AGBL1: variants seen among roughly 807,000 people sequenced by gnomAD.
AGBL1 encodes the protein AGBL carboxypeptidase 1.
In AGBL1, 130 loss-of-function variants were observed where a neutral mutation model predicts 118.9. The ratio of observed to expected loss-of-function variants is 1.09; its 90% CI spans 0.95 to 1.26. AGBL1 has a LOEUF of 1.26. AGBL1 is among the 50% of genes most tolerant of loss of function. The pLI, the probability that AGBL1 is intolerant of heterozygous loss-of-function variation, is 0.00. For missense variants in AGBL1, 1,584 were observed against 1,298.1 expected, an observed-to-expected ratio of 1.22 and a Z score of -3.38; for synonymous variants, 555 against 478.9, an observed-to-expected ratio of 1.16 and a Z score of -2.08.
At chr15:86,868,515 C>T (rs2079670252) in intron 22 of AGBL1, among the ~76,000 whole-genome samples, 1 of 152,224 alleles carries the variant, frequency 6.6e-6, no homozygotes, top group Non-Finnish European at 1.5e-5. Flanking sequence ...GCACAAGGGA[C>T]ACATTCAACT....
At chr15:86,900,973 C>G (rs566056123) in intron 22 of AGBL1, among the ~76,000 whole-genome samples, 2 of 152,270 alleles carry the variant, frequency 1.3e-5, no homozygotes, top group African/African-American at 4.8e-5. Flanking sequence ...TCTTATTTTA[C>G]TTAGTGTAAA....
chr15:86,741,104 G>T (rs551719728), intron 22 of AGBL1, among the ~76,000 whole-genome samples: 3 of 152,068 alleles, frequency 2.0e-5, no homozygotes, highest in African/African-American at 7.2e-5. Flanking sequence ...CACATCATTT[G>T]CTACTAGCCA....
chr15:86,392,874 C>T, intron 17 of AGBL1, among the ~76,000 whole-genome samples: 1 of 152,040 alleles, frequency 6.6e-6, no homozygotes, highest in East Asian at 1.9e-4. Flanking sequence ...CACTTTTTGC[C>T]TGACCCTAAG....
In AGBL1 at chr15:86,967,462, C is replaced by T. The variant is rs2081066485; in HGVS notation, c.3222-20525C>T. ...TTCTAGGGTTTTTATGGTTTTAGGT[C>T]TAACATTTAAGTCCTTAATCCATCT... On this transcript the variant is annotated intron_variant, in intron 23 of 24. Coordinates refer to the AGBL1 transcript ENST00000441037. Among the ~76,000 whole-genome samples the T allele has an allele frequency of 1.3e-5, 2 of 152,202 alleles. 1 individual carries two copies. The highest frequency in any genetic ancestry group is 4.1e-4 in the South Asian group (2 of 4,828).
At chr15:86,437,432 T>C (rs982603562) in intron 18 of AGBL1, among the ~76,000 whole-genome samples, 2 of 152,230 alleles carry the variant, frequency 1.3e-5, no homozygotes, top group African/African-American at 4.8e-5. Context: ...AGACATTTAT[T>C]GAGCACCATC....
intron 18 of AGBL1, among the ~76,000 whole-genome samples, chr15:86,415,124 A>G (rs2081673684): frequency 6.6e-6 from 1 of 152,122 alleles, no homozygotes; most frequent in Non-Finnish European, 1.5e-5. Flanking sequence ...ATGCCTCTTT[A>G]CCCAATGGCC....
chr15:86,820,271 C>T (rs1371668012), intron 22 of AGBL1, among the ~76,000 whole-genome samples: 1 of 152,124 alleles, frequency 6.6e-6, no homozygotes, highest in Non-Finnish European at 1.5e-5. Flanking sequence ...GCAATGGCAA[C>T]AAAAGCCAAA....
rs2078102636 is a variant in AGBL1, at chr15:86,766,774, T to C, written c.3158+92338T>C. On this transcript the variant is annotated intron_variant, in intron 22 of 22. Coordinates refer to ENST00000614907, the MANE Select transcript of AGBL1 (RefSeq NM_001386094.1). ...ATCTGGTCATTTGGGCCTAATCAAATTTCTGCTGTCCACAATGAAGGAAAC... is the reference window on the plus strand; with the variant it reads ...ATCTGGTCATTTGGGCCTAATCAAACTTCTGCTGTCCACAATGAAGGAAAC... Among the ~76,000 whole-genome samples, 4 of 151,936 alleles carry C rather than the reference T, an allele frequency of 2.6e-5. No homozygotes were observed. In the South Asian group the frequency reaches 8.3e-4, roughly 32 times the overall value.
intron 1 of AGBL1, chr15:86,086,427 A>G (rs1298493794): frequency 2.6e-5 from 4 of 152,162 alleles, no homozygotes; most frequent in African/African-American, 9.7e-5. Flanking sequence ...CACTGAGCAA[A>G]TACTGCATGG....
At chr15:86,084,821 C>G (rs1351034058) in intron 1 of AGBL1, among the ~76,000 whole-genome samples, 1 of 152,154 alleles carries the variant, frequency 6.6e-6, no homozygotes. Context: ...TTCACTCATC[C>G]ACCCATTCAT....
chr15:86,262,562 T>G, intron 9 of AGBL1: 8 of 607,378 alleles, frequency 1.3e-5, no homozygotes, highest in Non-Finnish European at 2.4e-5. Context: ...TGATAAATAC[T>G]GACATAAATG....
chr15:86,581,556 A>T (rs1315586935), intron 21 of AGBL1, among the ~76,000 whole-genome samples: 2 of 152,308 alleles, frequency 1.3e-5, no homozygotes, highest in South Asian at 2.1e-4. Context: ...TTTATCATTC[A>T]TTTGAAATCT....
At chr15:86,635,603 C>G (rs936495748) in intron 21 of AGBL1, among the ~76,000 whole-genome samples, 1 of 151,792 alleles carries the variant, frequency 6.6e-6, no homozygotes, top group African/African-American at 2.4e-5. Context: ...TGTTCTTACT[C>G]AAGGAAAAGT....
At chr15:86,943,326 G>C (rs73447186) in intron 23 of AGBL1, among the ~76,000 whole-genome samples, 1,982 of 152,258 alleles carry the variant, frequency 0.013, 38 homozygotes, top group African/African-American at 0.046. Flanking sequence ...GACATGGAAA[G>C]AGATTACAAC....
chr15:86,791,677 T>C (rs1314660110), intron 22 of AGBL1, among the ~76,000 whole-genome samples: 2 of 151,810 alleles, frequency 1.3e-5, no homozygotes, highest in Non-Finnish European at 2.9e-5. Context: ...TCTTTTCCTC[T>C]GATCTTTGCA....
intron 23 of AGBL1, among the ~76,000 whole-genome samples, chr15:86,986,041 A>C (rs1182533716): frequency 6.6e-6 from 1 of 151,740 alleles, no homozygotes; most frequent in African/African-American, 2.4e-5. Context: ...CTCCTGTCTC[A>C]GACTCCCAAG....
intron 1 of AGBL1, among the ~76,000 whole-genome samples, chr15:86,118,438 G>A (rs527749673): frequency 2.0e-5 from 3 of 150,604 alleles, no homozygotes; most frequent in South Asian, 2.1e-4. Context: ...GGCCCTCTGC[G>A]AATCAGCACC....
At chr15:86,461,447 G>A (rs937474614) in intron 18 of AGBL1, among the ~76,000 whole-genome samples, 3 of 152,060 alleles carry the variant, frequency 2.0e-5, no homozygotes, top group Non-Finnish European at 4.4e-5. Flanking sequence ...TGAGAAGAAC[G>A]TTTTATAATA....
chr15:86,371,995 G>T (rs1156983590), intron 17 of AGBL1, among the ~76,000 whole-genome samples: 1 of 152,142 alleles, frequency 6.6e-6, no homozygotes, highest in Non-Finnish European at 1.5e-5. Flanking sequence ...CATTTCTTAT[G>T]CTCCTTTGCC....
Sources: gnomAD v4.1 joint callset for allele counts (sites outside exome capture counted in the v4.1 genomes callset) on GRCh38, gnomAD v4.1.1 for gene constraint, MANE v1.5 for transcripts, NCBI Gene and HGNC (gene_info 2026-07-23, HGNC 2026-07-21) for gene names.